CROCC2: variants seen among roughly 807,000 people sequenced by gnomAD.
CROCC2 encodes the protein ciliary rootlet coiled-coil, rootletin family member 2.
Under a neutral mutation model 177.6 loss-of-function variants are expected in CROCC2, and 163 were observed. The observed-to-expected ratio is 0.92, with a 90% CI of 0.81 to 1.05. CROCC2 has a LOEUF of 1.05. Among genes scored for constraint, CROCC2 ranks in the 50% least tolerant of loss-of-function variants. The probability of loss-of-function intolerance (pLI) is 0.00; values close to 1 mark genes in which losing one functional copy is unlikely to be tolerated. For missense variants in CROCC2, 1,929 were observed against 1,797.8 expected (o/e 1.07, Z -1.32); for synonymous variants, 904 against 787.3 (o/e 1.15, Z -2.48).
intron 20 of CROCC2, among the ~76,000 whole-genome samples, chr2:240,962,327 C>T (rs2059648628): frequency 6.6e-6 from 1 of 152,146 alleles, no homozygotes; most frequent in Non-Finnish European, 1.5e-5. Flanking sequence ...CAGGCCCTCC[C>T]CTGCATTTGT....
At chr2:240,934,697 C>A (rs1000204371) in intron 12 of CROCC2, among the ~76,000 whole-genome samples, 27 of 152,250 alleles carry the variant, frequency 1.8e-4, no homozygotes, top group Non-Finnish European at 1.5e-5. Flanking sequence ...TCTTTGTGGC[C>A]TCTCCCTGGA....
chr2:240,974,472 G>C (rs2059745283), intron 27 of CROCC2, among the ~76,000 whole-genome samples: 1 of 149,976 alleles, frequency 6.7e-6, no homozygotes, highest in East Asian at 1.9e-4. Context: ...CTCTTGAGTA[G>C]CTGGGACTAC....
Position 240,949,652 on chromosome 2 carries a change from A to G in CROCC2, c.2602A>G (p.Ser868Gly). The G allele has an allele frequency of 3.9e-6, 6 of 1,536,862 alleles. No individual in the cohort carries two copies. The highest frequency in any genetic ancestry group is 5.3e-6 in the Non-Finnish European group (6 of 1,140,052). Residue 868 changes from serine to glycine, a missense_variant, in exon 17 of 32, where the codon AGC becomes GGC. Transcript: ENST00000690015. The surrounding 1 kb of genome is among the most constrained non-coding windows in gnomAD (Gnocchi z 4.5). ...QEREAQRALESQALAHREALA... is the reference protein window; with the variant it reads ...QEREAQRALEGQALAHREALA... ...GCGGGAGGCACAGCGGGCCCTGGAG[A>G]GCCAGGCGTTGGCCCACCGAGAGGC...
At chr2:240,943,763 AGCC>A (rs2059507119) in intron 14 of CROCC2, among the ~76,000 whole-genome samples, 1 of 152,194 alleles carries the variant, frequency 6.6e-6, no homozygotes, top group Non-Finnish European at 1.5e-5. Flanking sequence ...TACAGGCATT[AGCC>A]ACCAAGCCCG....
chr2:240,966,634 C>A (rs1337607214), intron 25 of CROCC2, among the ~76,000 whole-genome samples: 1 of 152,122 alleles, frequency 6.6e-6, no homozygotes, highest in Non-Finnish European at 1.5e-5. Context: ...GCCCCTGGAG[C>A]CAGGCCCTGC....
chr2:240,988,363 G>C (rs2059854332), intron 28 of CROCC2, among the ~76,000 whole-genome samples: 1 of 152,244 alleles, frequency 6.6e-6, no homozygotes, highest in South Asian at 2.1e-4. Context: ...GCAGGTGCCA[G>C]AGAGTGCAGG....
intron 27 of CROCC2, among the ~76,000 whole-genome samples, chr2:240,976,338 G>A (rs2059765265): frequency 1.8e-5 from 2 of 109,138 alleles, no homozygotes; most frequent in African/African-American, 3.4e-5. Flanking sequence ...CAGTCTCTGG[G>A]GTAGGAGCCT....
At chr2:240,989,447 C>T (rs1333490847) in intron 29 of CROCC2, among the ~76,000 whole-genome samples, 1 of 152,174 alleles carries the variant, frequency 6.6e-6, no homozygotes, top group Non-Finnish European at 1.5e-5. Context: ...GCTTAGTCTC[C>T]AGCCCAGCCA....
At position 240,907,718 on chromosome 2, in the gene CROCC2, G is replaced by C. The variant is rs564471440; in HGVS notation, c.78+1127G>C. On this transcript the variant is annotated intron_variant, in intron 1 of 31. Transcript: ENST00000690015. Reference sequence around the variant, plus strand: ...GGGGTGAGCTCTACCTCCTCCACCTGGGGTGAGCTCTACCTCCTCCACCTC... The same window carrying C: ...GGGGTGAGCTCTACCTCCTCCACCTCGGGTGAGCTCTACCTCCTCCACCTC... Among the ~76,000 whole-genome samples the C allele has an allele frequency of 1.9e-4, 28 of 146,188 alleles. No individual in the cohort carries two copies. The East Asian group carries it at 4.9e-3, about 26-fold the overall frequency.
chr2:240,960,594 C>T lies in CROCC2; in HGVS notation c.3087+1150C>T, dbSNP rs935012957. Reference sequence around the variant, plus strand: ...TCAGCTGGAGCCCCAGCGGGGCCCACGGGGACGGGGCGACCTCGCACACTC... The same window carrying T: ...TCAGCTGGAGCCCCAGCGGGGCCCATGGGGACGGGGCGACCTCGCACACTC... On this transcript the variant is annotated intron_variant, in intron 20 of 31. Transcript: ENST00000690015. The surrounding 1 kb of genome is among the most constrained non-coding windows in gnomAD (Gnocchi z 5.0). 1.3e-5 allele frequency among the ~76,000 whole-genome samples: 2 copies of T among 152,028 alleles called. No homozygotes were observed. The highest frequency in any genetic ancestry group is 4.8e-5 in the African/African-American group (2 of 41,398).
chr2:240,939,421 GC>G (rs2059485243), intron 14 of CROCC2, among the ~76,000 whole-genome samples: 1 of 151,788 alleles, frequency 6.6e-6, no homozygotes, highest in Non-Finnish European at 1.5e-5. Context: ...AAAGATTTTT[GC>G]ATCTATATTT....
rs533299259 is a variant in CROCC2, at chr2:240,916,239, T to C, written c.79-2487T>C. On this transcript the variant is annotated intron_variant, in intron 1 of 31. Coordinates refer to ENST00000690015, the MANE Select transcript of CROCC2 (RefSeq NM_001351305.2). ...GACCTCCACCTTCCCTTCCTTCCCC[T>C]CCTCTCCCATCCCTGCCTCTCCCCT... 3.6e-3 allele frequency among the ~76,000 whole-genome samples: 544 copies of C among 151,672 alleles called. 7 individuals are homozygous for C. The highest frequency in any genetic ancestry group is 0.012 in the African/African-American group (502 of 41,316).
At chr2:240,926,644 G>A (rs1036136872) in intron 5 of CROCC2, among the ~76,000 whole-genome samples, 5 of 152,222 alleles carry the variant, frequency 3.3e-5, no homozygotes, top group African/African-American at 9.6e-5. Flanking sequence ...GGGCAGCCGC[G>A]TTTCTGGCCT....
chr2:240,987,394 T>C (rs1030294201), intron 28 of CROCC2, among the ~76,000 whole-genome samples: 1 of 152,246 alleles, frequency 6.6e-6, no homozygotes, highest in African/African-American at 2.4e-5. Flanking sequence ...GATTTCACTT[T>C]TCTCTTCTCT....
At chr2:240,943,482 CTTT>C (rs374737398) in intron 14 of CROCC2, among the ~76,000 whole-genome samples, 17 of 136,630 alleles carry the variant, frequency 1.2e-4, no homozygotes, top group African/African-American at 2.1e-4. Flanking sequence ...TTAGCTAAAG[CTTT>C]TTTTTTTTTT....
In CROCC2 at chr2:240,946,384, G is replaced by A. The variant is rs1288065819; in HGVS notation, c.2363+131G>A. On this transcript the variant is annotated intron_variant, in intron 15 of 31. Transcript: ENST00000690015. ...GAGGGAGCGTGTGCCCATGAAATGGGCTGTGAGTGGAGGCGAGCACAGAGC... is the reference window on the plus strand; with the variant it reads ...GAGGGAGCGTGTGCCCATGAAATGGACTGTGAGTGGAGGCGAGCACAGAGC... The A allele has an allele frequency of 3.5e-5, 34 of 963,418 alleles. No individual in the cohort carries two copies. The South Asian group carries it at 5.5e-4, about 16-fold the overall frequency. 59.7% of individuals were successfully genotyped at this position (963,418 alleles called of 1,614,324 possible). A position where few individuals can be genotyped will look rare whatever the true frequency, so the allele number is the denominator to read the frequency against.
Position 240,922,589 on chromosome 2 carries a change from G to A in CROCC2, c.432G>A (p.Leu144=), listed in dbSNP as rs1040375690. Residue 144 remains leucine, a synonymous_variant, in exon 4 of 32, where the codon CTG becomes CTA. Coordinates refer to ENST00000690015, the MANE Select transcript of CROCC2 (RefSeq NM_001351305.2). ...AGGCTCAGCTGCGGAGGTCAGAGCT[G>A]GAGCACAGCGTGGATCTGGAGGAGG... ...TTEAQLRRSE[L]EHSVDLEEAL... 8 of 693,550 alleles carry A rather than the reference G, an allele frequency of 1.2e-5. No individual in the cohort carries two copies. The African/African-American group carries it at 1.4e-4, about 12-fold the overall frequency. The allele number at this position is 693,550 out of a possible 1,614,324, so 43.0% of individuals were successfully genotyped here. A position where few individuals can be genotyped will look rare whatever the true frequency, so the allele number is the denominator to read the frequency against.
chr2:240,912,298 G>A (rs1056155670), intron 1 of CROCC2, among the ~76,000 whole-genome samples: 1 of 152,140 alleles, frequency 6.6e-6, no homozygotes, highest in African/African-American at 2.4e-5. Context: ...AGCGGGCACA[G>A]ACCCACAGTT....
intron 1 of CROCC2, among the ~76,000 whole-genome samples, chr2:240,907,298 C>T (rs1438568368): frequency 6.6e-6 from 1 of 152,104 alleles, no homozygotes; most frequent in African/African-American, 2.4e-5. Flanking sequence ...TGTCCCTCTC[C>T]CCTTGCCTCC....
Sources: allele counts gnomAD v4.1 joint callset (sites outside exome capture counted in the v4.1 genomes callset), GRCh38; gene constraint gnomAD v4.1.1; non-coding constraint Gnocchi (gnomAD v3.1); transcripts MANE v1.5; gene names NCBI Gene and HGNC (gene_info 2026-07-23, HGNC 2026-07-21).